KLF7: variants seen among roughly 807,000 people sequenced by gnomAD.
KLF7 encodes Krueppel-like factor 7.
A neutral mutation model predicts 27.3 loss-of-function variants in KLF7; 2 were observed. That is an observed-to-expected ratio of 0.07 (90% CI 0.03 to 0.23). The LOEUF (loss-of-function observed/expected upper bound fraction) is 0.23. Among genes scored for constraint, KLF7 ranks in the 10% least tolerant of loss-of-function variants. The probability of loss-of-function intolerance (pLI) is 1.00; values close to 1 mark genes in which losing one functional copy is unlikely to be tolerated. For missense variants in KLF7, 221 were observed against 394.1 expected, an observed-to-expected ratio of 0.56 and a Z score of 3.72; for synonymous variants, 165 against 162.4, an observed-to-expected ratio of 1.02 and a Z score of -0.12.
intron 2 of KLF7, among the ~76,000 whole-genome samples, chr2:207,110,411 G>T (rs1370334856): frequency 2.0e-5 from 3 of 152,218 alleles, no homozygotes; most frequent in African/African-American, 7.2e-5. Flanking sequence ...TAACGAGGAA[G>T]CAACTGTTAC....
chr2:207,127,551 T>C (rs1307749573), intron 1 of KLF7, among the ~76,000 whole-genome samples: 3 of 152,124 alleles, frequency 2.0e-5, no homozygotes, highest in Non-Finnish European at 2.9e-5. Context: ...ATAAGAAATG[T>C]CCATGACAGG....
At chr2:207,116,371 T>A (rs539585836) in intron 2 of KLF7, among the ~76,000 whole-genome samples, 177 of 152,346 alleles carry the variant, frequency 1.2e-3, no homozygotes, top group African/African-American at 3.7e-3. Flanking sequence ...TTAATTTTTT[T>A]AAAAAGAGGA....
intron 1 of KLF7, among the ~76,000 whole-genome samples, chr2:207,129,230 A>T (rs963768180): frequency 9.9e-5 from 15 of 152,084 alleles, no homozygotes; most frequent in African/African-American, 3.6e-4. Flanking sequence ...TTCAAATGAT[A>T]CTCTTGCCAG....
intron 1 of KLF7, chr2:207,134,146 C>A (rs1228763443): frequency 9.4e-5 from 136 of 1,447,394 alleles, no homozygotes; most frequent in Middle Eastern, 1.8e-4. Flanking sequence ...CTGACTCGGG[C>A]TACTGGGATT....
chr2:207,106,950 T>G lies in KLF7; in HGVS notation c.733+16824A>C, dbSNP rs181884405. ...GACCCAGACTCAAAAGCCAGCTTGG[T>G]CACTTATAAGCTGGGCATGTCTACT... is the stretch of plus-strand genomic sequence containing the variant. On this transcript the variant is annotated intron_variant, in intron 2 of 3. Coordinates refer to ENST00000309446, the MANE Select transcript of KLF7 (RefSeq NM_003709.4). 3.9e-3 allele frequency among the ~76,000 whole-genome samples: 587 copies of G among 152,218 alleles called. 3 individuals carry two copies. Among genetic ancestry groups the G allele is most frequent in the African/African-American group, 0.014 (564 of 41,540 alleles).
chr2:207,109,236 T>C (rs1011407380), intron 2 of KLF7, among the ~76,000 whole-genome samples: 2 of 152,330 alleles, frequency 1.3e-5, no homozygotes, highest in East Asian at 1.9e-4. Context: ...TCAACCAAAA[T>C]AGACAGAATG....
chr2:207,165,396 G>A, intron 1 of KLF7, 71 bp downstream of exon 1: 1 of 1,606,388 alleles, frequency 6.2e-7, no homozygotes, highest in Non-Finnish European at 8.5e-7. Flanking sequence ...TCAACCCAGA[G>A]CCCACACCAA....
chr2:207,127,916 CACAT>C (rs1429838952), intron 1 of KLF7, among the ~76,000 whole-genome samples: 1 of 152,108 alleles, frequency 6.6e-6, no homozygotes, highest in Non-Finnish European at 1.5e-5. Context: ...AATATACACA[CACAT>C]ACATACATAG....
intron 2 of KLF7, among the ~76,000 whole-genome samples, chr2:207,102,126 T>TCA (rs59384224): frequency 0.26 from 36,153 of 140,718 alleles, 4,920 homozygotes; most frequent in Middle Eastern, 0.41. Context: ...ACATTCACAT[T>TCA]CACACACACA....
intron 1 of KLF7, among the ~76,000 whole-genome samples, chr2:207,159,412 C>T (rs896987002): frequency 1.6e-4 from 24 of 152,200 alleles, no homozygotes; most frequent in Non-Finnish European, 4.4e-5. Flanking sequence ...TGTTCCAACA[C>T]AGAACTGAAT....
At chr2:207,120,657 G>C (rs562743130) in intron 2 of KLF7, among the ~76,000 whole-genome samples, 12 of 152,158 alleles carry the variant, frequency 7.9e-5, no homozygotes, top group Admixed American at 6.5e-4. Context: ...TCCAACCAGC[G>C]CCCATTTTTA....
At chr2:207,156,363 A>C (rs1306509087) in intron 1 of KLF7, among the ~76,000 whole-genome samples, 1 of 152,184 alleles carries the variant, frequency 6.6e-6, no homozygotes, top group East Asian at 1.9e-4. Context: ...CTCTTACTAG[A>C]AAGATGGATC....
At chr2:207,142,829 C>T (rs1034549616) in intron 1 of KLF7, among the ~76,000 whole-genome samples, 5 of 152,164 alleles carry the variant, frequency 3.3e-5, no homozygotes, top group Admixed American at 6.5e-5. Flanking sequence ...TGCATGCCCT[C>T]GGGCCTAAAA....
chr2:207,091,586 T>A (rs966499092), intron 2 of KLF7, among the ~76,000 whole-genome samples: 1 of 152,174 alleles, frequency 6.6e-6, no homozygotes, highest in African/African-American at 2.4e-5. Context: ...AATAAAAAAT[T>A]TAAAATAATC....
rs560368114 is a variant in KLF7, at chr2:207,126,005, T to G, written c.103-1601A>C. Among the ~76,000 whole-genome samples, 9 of 152,366 alleles carry G rather than the reference T, an allele frequency of 5.9e-5. No homozygotes were observed. In the South Asian group the frequency reaches 1.7e-3, roughly 28 times the overall value. ...CTATACTCTATTAATGTAGTATTAA[T>G]CAAGGAAAGCTTAGTGAAAAAGTAA... On this transcript the variant is annotated intron_variant, in intron 1 of 3. Coordinates refer to ENST00000309446, the MANE Select transcript of KLF7 (RefSeq NM_003709.4).
chr2:207,101,151 AACTC>A (rs1436367279), intron 2 of KLF7, among the ~76,000 whole-genome samples: 1 of 152,242 alleles, frequency 6.6e-6, no homozygotes, highest in Non-Finnish European at 1.5e-5. Context: ...CTTCTGGTCT[AACTC>A]ACCGGCAATG....
chr2:207,149,692 A>C (rs528585792), intron 1 of KLF7, among the ~76,000 whole-genome samples: 1 of 152,270 alleles, frequency 6.6e-6, no homozygotes, highest in East Asian at 1.9e-4. Context: ...CAGGATGTAA[A>C]TCTCAACATA....
At chr2:207,135,485 T>C (rs964608684) in intron 1 of KLF7, among the ~76,000 whole-genome samples, 1 of 151,532 alleles carries the variant, frequency 6.6e-6, no homozygotes, top group Non-Finnish European at 1.5e-5. Flanking sequence ...CCTCACAACA[T>C]CTAAAACGTA....
At chr2:207,155,216 T>C (rs900727867) in intron 1 of KLF7, among the ~76,000 whole-genome samples, 1 of 152,214 alleles carries the variant, frequency 6.6e-6, no homozygotes, top group African/African-American at 2.4e-5. Context: ...ATTGAAATGA[T>C]GGATACAGGT....
Sources: gnomAD v4.1 joint callset for allele counts (sites outside exome capture counted in the v4.1 genomes callset) on GRCh38, gnomAD v4.1.1 for gene constraint, MANE v1.5 for transcripts, NCBI Gene and HGNC (gene_info 2026-07-23, HGNC 2026-07-21) for gene names.